SEZ6L: variants seen among roughly 807,000 people sequenced by gnomAD.
SEZ6L encodes the protein seizure 6-like protein.
Under a neutral mutation model 106.2 loss-of-function variants are expected in SEZ6L, and 37 were observed. That is an observed-to-expected ratio of 0.35 (90% CI 0.27 to 0.46). SEZ6L has a LOEUF of 0.46. SEZ6L is among the 20% of genes least tolerant of loss of function. The pLI is 1.00. For missense variants in SEZ6L, 1,172 were observed against 1,332.8 expected (o/e 0.88, Z 1.88); for synonymous variants, 541 against 570.4 (o/e 0.95, Z 0.73).
chr22:26,305,948 C>G, intron 5 of SEZ6L, 31 bp from the exon 6 acceptor site: 5 of 1,272,748 alleles, frequency 3.9e-6, no homozygotes, highest in Admixed American at 1.7e-5. Flanking sequence ...TCTGCTCTCT[C>G]CCATTGCCCA....
intron 12 of SEZ6L, among the ~76,000 whole-genome samples, chr22:26,358,113 T>A (rs1306883159): frequency 6.6e-6 from 1 of 152,200 alleles, no homozygotes; most frequent in Non-Finnish European, 1.5e-5. Flanking sequence ...TGTGGCCACA[T>A]CTTGGCCAGC....
At position 26,291,051 on chromosome 22, in the gene SEZ6L, T is replaced by G. The variant is rs536339289; in HGVS notation, c.95-1355T>G. On this transcript the variant is annotated intron_variant, in intron 1 of 16. Transcript: ENST00000248933. ...TTCCTCAAAGATCTGGAACCAGAAA[T>G]AGCATTTGACTCAGCAATCCCATTA... Among the ~76,000 whole-genome samples, 6 of 152,350 alleles carry G rather than the reference T, an allele frequency of 3.9e-5. No individual in the cohort carries two copies. The South Asian group carries it at 1.2e-3, about 32-fold the overall frequency.
intron 10 of SEZ6L, among the ~76,000 whole-genome samples, chr22:26,345,385 C>T (rs561064616): frequency 2.6e-5 from 4 of 152,178 alleles, no homozygotes; most frequent in Non-Finnish European, 2.9e-5. Flanking sequence ...CCCACGGGAG[C>T]GTGCAGCCAT....
At chr22:26,280,344 A>G (rs2080722529) in intron 1 of SEZ6L, among the ~76,000 whole-genome samples, 1 of 152,184 alleles carries the variant, frequency 6.6e-6, no homozygotes, top group Admixed American at 6.5e-5. Flanking sequence ...TTTATTCCTC[A>G]TCATTCTACT....
chr22:26,243,172 A>T (rs940559133), intron 1 of SEZ6L, among the ~76,000 whole-genome samples: 28 of 152,220 alleles, frequency 1.8e-4, no homozygotes, highest in African/African-American at 5.8e-4. Flanking sequence ...TAACTTGATT[A>T]TATCTGCAAT....
intron 12 of SEZ6L, chr22:26,351,524 T>TGTTG: frequency 4.6e-6 from 1 of 218,124 alleles, no homozygotes. Context: ...TTTGTTTGTT[T>TGTTG]GTTTGTTTGT....
intron 1 of SEZ6L, among the ~76,000 whole-genome samples, chr22:26,264,188 G>T (rs573622758): frequency 6.6e-6 from 1 of 152,352 alleles, no homozygotes; most frequent in East Asian, 1.9e-4. Context: ...CAGATTCTGA[G>T]GCTGCATTTG....
At chr22:26,321,384 G>A (rs1403716943) in intron 9 of SEZ6L, among the ~76,000 whole-genome samples, 1 of 152,226 alleles carries the variant, frequency 6.6e-6, no homozygotes, top group East Asian at 1.9e-4. Context: ...ATGCGACTCA[G>A]CAGCGCCTTG....
intron 9 of SEZ6L, among the ~76,000 whole-genome samples, chr22:26,323,795 G>GATA (rs2082222993): frequency 6.6e-6 from 1 of 152,042 alleles, no homozygotes; most frequent in African/African-American, 2.4e-5. Flanking sequence ...TGATGATGAT[G>GATA]ATGATAAAGA....
chr22:26,190,165 C>T (rs1282455273), intron 1 of SEZ6L, among the ~76,000 whole-genome samples: 1 of 151,570 alleles, frequency 6.6e-6, no homozygotes, highest in African/African-American at 2.4e-5. Flanking sequence ...TTAAAGCCCG[C>T]TTTGACCATT....
chr22:26,229,949 G>A (rs1479582246), intron 1 of SEZ6L, among the ~76,000 whole-genome samples: 1 of 152,212 alleles, frequency 6.6e-6, no homozygotes, highest in Non-Finnish European at 1.5e-5. Context: ...GCTAAAATAA[G>A]CCTTCTCTCT....
At chr22:26,207,359 T>C (rs911031204) in intron 1 of SEZ6L, among the ~76,000 whole-genome samples, 16 of 152,332 alleles carry the variant, frequency 1.1e-4, no homozygotes, top group African/African-American at 3.8e-4. Context: ...CTTCATCACC[T>C]GAAGCAAGAC....
chr22:26,321,826 C>T (rs1010748606), intron 9 of SEZ6L, among the ~76,000 whole-genome samples: 3 of 152,094 alleles, frequency 2.0e-5, no homozygotes, highest in East Asian at 1.9e-4. Flanking sequence ...CCATAGTAGG[C>T]GCATGACTTA....
intron 9 of SEZ6L, among the ~76,000 whole-genome samples, chr22:26,314,516 G>A (rs1481464242): frequency 2.0e-5 from 3 of 152,190 alleles, no homozygotes; most frequent in Non-Finnish European, 2.9e-5. Context: ...CTCCTCTGGG[G>A]CTGGGTCTGA....
intron 1 of SEZ6L, among the ~76,000 whole-genome samples, chr22:26,228,498 G>C (rs1047701898): frequency 2.2e-4 from 33 of 152,264 alleles, no homozygotes; most frequent in Non-Finnish European, 4.1e-4. Flanking sequence ...GCATGGTGCT[G>C]GGCAATGGGT....
At chr22:26,322,443 AACAG>A (rs1418051449) in intron 9 of SEZ6L, among the ~76,000 whole-genome samples, 2 of 152,190 alleles carry the variant, frequency 1.3e-5, no homozygotes, top group Admixed American at 6.5e-5. Flanking sequence ...CATAGCCATA[AACAG>A]ACAGCCTGGC....
intron 1 of SEZ6L, among the ~76,000 whole-genome samples, chr22:26,247,867 C>T (rs1323412425): frequency 2.0e-5 from 3 of 152,182 alleles, no homozygotes; most frequent in Non-Finnish European, 2.9e-5. Context: ...GGTTGTAGAA[C>T]AGTGCCAGCA....
intron 1 of SEZ6L, among the ~76,000 whole-genome samples, chr22:26,286,229 C>T (rs1165603533): frequency 1.3e-5 from 2 of 152,308 alleles, no homozygotes; most frequent in African/African-American, 4.8e-5. Flanking sequence ...TACCAGGAAA[C>T]TGCATTCCAA....
intron 1 of SEZ6L, among the ~76,000 whole-genome samples, chr22:26,240,734 A>G (rs747847190): frequency 1.3e-5 from 2 of 152,176 alleles, no homozygotes; most frequent in Non-Finnish European, 2.9e-5. Flanking sequence ...GAAAAAGGCC[A>G]TAAATCCTTG....
Sources: gnomAD v4.1 joint callset for allele counts (sites outside exome capture counted in the v4.1 genomes callset) on GRCh38, gnomAD v4.1.1 for gene constraint, MANE v1.5 for transcripts, NCBI Gene and HGNC (gene_info 2026-07-23, HGNC 2026-07-21) for gene names.